Variants in PTK7 observed in about 807,000 individuals in gnomAD.
PTK7 encodes the protein inactive tyrosine-protein kinase 7.
In PTK7, 39 loss-of-function variants were observed where a neutral mutation model predicts 116.6. That is an observed-to-expected ratio of 0.33 (90% CI 0.26 to 0.44). The LOEUF (loss-of-function observed/expected upper bound fraction) is 0.44. Among genes scored for constraint, PTK7 ranks in the 20% least tolerant of loss-of-function variants. PTK7 has a pLI of 1.00. For synonymous variants in PTK7, 546 were observed against 563.6 expected (o/e 0.97, Z 0.44); for missense variants, 1,169 against 1,425.6 (o/e 0.82, Z 2.90).
chr6:43,149,994 G>A (rs918959107), intron 17 of PTK7, among the ~76,000 whole-genome samples: 3 of 152,218 alleles, frequency 2.0e-5, no homozygotes, highest in Non-Finnish European at 4.4e-5. Flanking sequence ...TAAGAGAGCA[G>A]TGAGTTAGTG....
intron 1 of PTK7, among the ~76,000 whole-genome samples, chr6:43,102,512 C>T (rs1175174208): frequency 6.6e-6 from 1 of 151,652 alleles, no homozygotes; most frequent in Non-Finnish European, 1.5e-5. Context: ...TTGCTTAAAC[C>T]CAGGAAGTGG....
chr6:43,098,616 A>G (rs1767385244), intron 1 of PTK7, among the ~76,000 whole-genome samples: 1 of 152,098 alleles, frequency 6.6e-6, no homozygotes, highest in Admixed American at 6.6e-5. Context: ...TCAGCCTCCC[A>G]AAGTGTTAGG....
intron 1 of PTK7, among the ~76,000 whole-genome samples, 184 bp from the exon 2 acceptor site, chr6:43,128,793 C>T (rs981829751): frequency 1.3e-5 from 2 of 152,130 alleles, no homozygotes; most frequent in Admixed American, 6.6e-5. Flanking sequence ...AAAGAAATCT[C>T]AAAAAGAAAA....
At chr6:43,095,806 C>T (rs1462757501) in intron 1 of PTK7, among the ~76,000 whole-genome samples, 1 of 152,136 alleles carries the variant, frequency 6.6e-6, no homozygotes, top group Non-Finnish European at 1.5e-5. Context: ...TGCAATACAA[C>T]TTATTTTTGG....
rs776462894 is a variant in PTK7, at chr6:43,145,250, G to A, written c.2458G>A (p.Glu820Lys). The A allele has an allele frequency of 6.3e-5, 102 of 1,613,686 alleles. No individual in the cohort carries two copies. The highest frequency in any genetic ancestry group is 8.6e-5 in the Non-Finnish European group (101 of 1,179,768). The change falls in exon 16 of 20, where the codon GAG becomes AAG. Residue 820 changes from glutamate to lysine, a missense_variant. Transcript: ENST00000230419. This position sits in a 1 kb window ranked among gnomAD's most constrained non-coding sequence, Gnocchi z 4.8. ...VFLAKAQGLE[E>K]GVAETLVLVK... ...CCTGGCAAAGGCTCAGGGCTTGGAG[G>A]AGGGAGTGGCAGAGACCCTGGTACT...
chr6:43,146,616 AG>A lies in PTK7; in HGVS notation c.2642del. ...GAGCGAGATGCCTGGCTTTTCCCTT[AG>A]GGAGACCTCAAGCAGTTCCTGAGGA... On this transcript the variant is annotated splice_acceptor_variant, in intron 16 of 19. Coordinates refer to ENST00000230419, the MANE Select transcript of PTK7 (RefSeq NM_002821.5). LOFTEE classifies it high-confidence loss of function. 6.2e-7 allele frequency: 1 copy of A among 1,613,408 alleles called. No individual in the cohort carries two copies. The highest frequency in any genetic ancestry group is 8.5e-7 in the Non-Finnish European group (1 of 1,179,780).
intron 1 of PTK7, among the ~76,000 whole-genome samples, chr6:43,118,684 T>C (rs1768748708): frequency 1.7e-5 from 2 of 117,794 alleles, no homozygotes; most frequent in South Asian, 5.8e-4. Context: ...TATATATATA[T>C]ATATGTATAT....
At position 43,143,205 on chromosome 6, in the gene PTK7, T is replaced by C. The variant is rs1175980020; in HGVS notation, c.2048-212T>C. On this transcript the variant is annotated intron_variant, in intron 13 of 19. Transcript: ENST00000230419. The surrounding 1 kb of genome is among the most constrained non-coding windows in gnomAD (Gnocchi z 4.2). ...TCTTGGCTTCCGATGCAAAGCCAGC[T>C]TGGGAACCCCTGGCCTCATCTCCTT... 7 of 526,894 alleles carry C rather than the reference T, an allele frequency of 1.3e-5. No individual in the cohort carries two copies. The East Asian group carries it at 1.6e-4, about 12-fold the overall frequency. 32.6% of individuals were successfully genotyped at this position (526,894 alleles called of 1,614,324 possible).
chr6:43,106,132 A>G (rs1767875827), intron 1 of PTK7, among the ~76,000 whole-genome samples: 1 of 149,628 alleles, frequency 6.7e-6, no homozygotes, highest in African/African-American at 2.5e-5. Flanking sequence ...GTGGGTTTGC[A>G]TTTCACCTCC....
intron 1 of PTK7, among the ~76,000 whole-genome samples, chr6:43,125,888 C>A (rs1769261006): frequency 6.6e-6 from 1 of 152,126 alleles, no homozygotes; most frequent in Non-Finnish European, 1.5e-5. Context: ...CTTAGCTGCT[C>A]CTCTGTGTGG....
At chr6:43,144,782 C>T (rs1038360084) in intron 15 of PTK7, 176 bp downstream of exon 15, 7 of 670,914 alleles carry the variant, frequency 1.0e-5, no homozygotes, top group Admixed American at 3.3e-5. Context: ...CACTGCCCTT[C>T]GTGCAGATTT....
chr6:43,115,497 T>C (rs1333278227), intron 1 of PTK7, among the ~76,000 whole-genome samples: 1 of 152,050 alleles, frequency 6.6e-6, no homozygotes, highest in East Asian at 1.9e-4. Flanking sequence ...GTGAGTAATA[T>C]TTGAGCAACA....
intron 17 of PTK7, among the ~76,000 whole-genome samples, chr6:43,154,406 T>C (rs1233394052): frequency 2.0e-5 from 3 of 152,100 alleles, no homozygotes; most frequent in Non-Finnish European, 2.9e-5. Context: ...AGCACAGATA[T>C]AGACCATTGT....
chr6:43,077,219 G>A (rs3729616), intron 1 of PTK7, among the ~76,000 whole-genome samples: 15,142 of 152,258 alleles, frequency 0.099, 1,101 homozygotes, highest in East Asian at 0.19. Context: ...CTCCGTGCCA[G>A]GGCCGAATCC....
At position 43,132,518 on chromosome 6, in the gene PTK7, C is replaced by T. The variant is rs148837055; in HGVS notation, c.1059C>T (p.Ser353=). Residue 353 remains serine (S), a synonymous_variant, in exon 7 of 20, where the codon AGC becomes AGT. Transcript: ENST00000230419. ...CLPPKGLPEP[S]VWWEHAGVRL... ...CCCCCAAGGGTCTGCCAGAGCCCAGCGTGTGGTGGGAGCACGCGGGAGTCC... is the reference window on the plus strand; with the variant it reads ...CCCCCAAGGGTCTGCCAGAGCCCAGTGTGTGGTGGGAGCACGCGGGAGTCC... 3.0e-5 allele frequency: 49 copies of T among 1,612,668 alleles called. No individual in the cohort carries two copies. The highest frequency in any genetic ancestry group is 1.1e-4 in the South Asian group (10 of 91,018).
Position 43,102,191 on chromosome 6 carries a change from G to A in PTK7, c.79+25624G>A, listed in dbSNP as rs554748050. Among the ~76,000 whole-genome samples the A allele has an allele frequency of 1.3e-3, 202 of 152,260 alleles. 1 individual carries two copies. The highest frequency in any genetic ancestry group is 2.2e-3 in the Non-Finnish European group (149 of 68,014). ...TGTAATCCCAGCACTTTGGGAGGCC[G>A]AGGTGGGCGGATCACCTGAGGTCAG... On this transcript the variant is annotated intron_variant, in intron 1 of 19. Transcript: ENST00000230419.
intron 1 of PTK7, among the ~76,000 whole-genome samples, chr6:43,104,113 A>C (rs778886039): frequency 6.6e-6 from 1 of 152,192 alleles, no homozygotes; most frequent in Non-Finnish European, 1.5e-5. Flanking sequence ...ATTCTGGAGG[A>C]GGGAGGGTGA....
At chr6:43,133,329 C>T (rs1341951107) in intron 7 of PTK7, 1 of 152,470 alleles carries the variant, frequency 6.6e-6, no homozygotes, top group African/African-American at 2.4e-5. Flanking sequence ...AATCCCAGCA[C>T]TTTGGGAGGC....
intron 1 of PTK7, among the ~76,000 whole-genome samples, chr6:43,127,116 G>A (rs2150424121): frequency 6.6e-6 from 1 of 152,340 alleles, no homozygotes; most frequent in South Asian, 2.1e-4. Context: ...ACTTGGAAGG[G>A]GCTCTGTAGG....
Sources: allele counts gnomAD v4.1 joint callset (sites outside exome capture counted in the v4.1 genomes callset), GRCh38; gene constraint gnomAD v4.1.1; non-coding constraint Gnocchi (gnomAD v3.1); transcripts MANE v1.5; gene names NCBI Gene and HGNC (gene_info 2026-07-23, HGNC 2026-07-21).